The following SLMAP variants were observed in gnomAD, a reference collection of about 807,000 sequenced individuals.
SLMAP encodes the protein sarcolemmal membrane-associated protein.
Under a neutral mutation model 128.8 loss-of-function variants are expected in SLMAP, and 44 were observed. That is an observed-to-expected ratio of 0.34 (90% CI 0.27 to 0.44). SLMAP has a LOEUF of 0.44. Among genes scored for constraint, SLMAP ranks in the 20% least tolerant of loss-of-function variants. The probability of loss-of-function intolerance (pLI) is 1.00; values close to 1 mark genes in which losing one functional copy is unlikely to be tolerated. For missense variants in SLMAP, 787 were observed against 985.3 expected (o/e 0.80, Z 2.69); for synonymous variants, 327 against 348.8 (o/e 0.94, Z 0.70).
intron 6 of SLMAP, among the ~76,000 whole-genome samples, chr3:57,857,457 A>G (rs961028307): frequency 6.6e-6 from 1 of 152,260 alleles, no homozygotes; most frequent in South Asian, 2.1e-4. Flanking sequence ...TTACAACAGT[A>G]TACTGTTATG....
intron 2 of SLMAP, among the ~76,000 whole-genome samples, chr3:57,796,164 C>G (rs1224673137): frequency 6.6e-6 from 1 of 152,168 alleles, no homozygotes; most frequent in East Asian, 1.9e-4. Context: ...AAAACATCCA[C>G]CAATATAACT....
chr3:57,851,352 G>GTTTTT (rs11297177), intron 6 of SLMAP, among the ~76,000 whole-genome samples: 1 of 133,350 alleles, frequency 7.5e-6, no homozygotes, highest in African/African-American at 2.7e-5. Flanking sequence ...GTTTTGGGTT[G>GTTTTT]TTTTTTTTTT....
chr3:57,786,638 C>A (rs769438236), intron 2 of SLMAP, among the ~76,000 whole-genome samples: 14 of 150,324 alleles, frequency 9.3e-5, no homozygotes, highest in Non-Finnish European at 1.6e-4. Flanking sequence ...TTCACTACAA[C>A]CTCCGCCTCC....
At chr3:57,863,740 C>A (rs758917497) in intron 10 of SLMAP, among the ~76,000 whole-genome samples, 5 of 152,170 alleles carry the variant, frequency 3.3e-5, no homozygotes, top group Non-Finnish European at 7.4e-5. Flanking sequence ...AAACACCTCT[C>A]ATTAGACCCC....
chr3:57,847,984 G>A (rs2094330931), intron 5 of SLMAP, among the ~76,000 whole-genome samples: 1 of 152,078 alleles, frequency 6.6e-6, no homozygotes, highest in African/African-American at 2.4e-5. Context: ...AGTAAATAAT[G>A]GTCCTGCTAA....
Position 57,823,938 on chromosome 3 carries a change from T to A in SLMAP, c.199-7445T>A, listed in dbSNP as rs376469647. On this transcript the variant is annotated intron_variant, in intron 2 of 24. Coordinates refer to ENST00000671191, the MANE Select transcript of SLMAP (RefSeq NM_001377540.1). ...TAACTGGTGTGAGATGGTATCTCAT[T>A]GTGGTTTTGATTTGCATTTCTCTGA... Among the ~76,000 whole-genome samples the A allele has an allele frequency of 1.4e-4, 21 of 152,288 alleles. No homozygotes were observed. In the South Asian group the frequency reaches 3.3e-3, roughly 24 times the overall value.
At chr3:57,809,277 G>A (rs2090496788) in intron 2 of SLMAP, among the ~76,000 whole-genome samples, 1 of 152,208 alleles carries the variant, frequency 6.6e-6, no homozygotes, top group African/African-American at 2.4e-5. Flanking sequence ...TCGCAGGCTT[G>A]GAAGTGCCTG....
At position 57,818,514 on chromosome 3, in the gene SLMAP, G is replaced by A. The variant is rs535166430; in HGVS notation, c.199-12869G>A. Among the ~76,000 whole-genome samples, 6 of 152,292 alleles carry A rather than the reference G, an allele frequency of 3.9e-5. No homozygotes were observed. In the South Asian group the frequency reaches 1.0e-3, roughly 26 times the overall value. On this transcript the variant is annotated intron_variant, in intron 2 of 24. Transcript: ENST00000671191. ...AATATAACATCTGCCTCATGAGAGT[G>A]TTATATAGATTAAGTGAAAAAATGC...
At chr3:57,856,056 A>G (rs1323195906) in intron 6 of SLMAP, among the ~76,000 whole-genome samples, 1 of 151,832 alleles carries the variant, frequency 6.6e-6, no homozygotes, top group Admixed American at 6.6e-5. Context: ...AAAAGAAAAA[A>G]AAAAAAATTA....
intron 2 of SLMAP, among the ~76,000 whole-genome samples, chr3:57,771,172 CCCTCCCCTCT>C (rs1440539444): frequency 2.1e-5 from 3 of 142,174 alleles, no homozygotes; most frequent in Non-Finnish European, 3.0e-5. Flanking sequence ...CCCTCCCCTC[CCCTCCCCTCT>C]CCTCTCCTCC....
chr3:57,925,783 A>T lies in SLMAP; in HGVS notation c.2446-62A>T, dbSNP rs185261910. 101 of 1,214,522 alleles carry T rather than the reference A, an allele frequency of 8.3e-5. No individual in the cohort carries two copies. The Admixed American group carries it at 1.9e-3, about 23-fold the overall frequency. The allele number at this position is 1,214,522 out of a possible 1,614,324, so 75.2% of individuals were successfully genotyped here. ...CTACCTCCCACCCTACTGGGGTCTGAATCCTCTTATCTGATTACTTTCATA... is the reference window on the plus strand; with the variant it reads ...CTACCTCCCACCCTACTGGGGTCTGTATCCTCTTATCTGATTACTTTCATA... On this transcript the variant is annotated intron_variant, in intron 23 of 24. Coordinates refer to ENST00000671191, the MANE Select transcript of SLMAP (RefSeq NM_001377540.1).
At chr3:57,802,102 T>C (rs563991558) in intron 2 of SLMAP, among the ~76,000 whole-genome samples, 4 of 152,220 alleles carry the variant, frequency 2.6e-5, no homozygotes, top group Non-Finnish European at 4.4e-5. Context: ...TCACCTATTA[T>C]AAATGTAAGT....
At position 57,841,389 on chromosome 3, in the gene SLMAP, CTGTGAAGTTTT is replaced by C. The variant is rs748357817; in HGVS notation, c.419+29_419+39del. On this transcript the variant is annotated intron_variant, in intron 4 of 24. Transcript: ENST00000671191. ...CGCTCAGAGTGAGTATAATTTAGTACTGTGAAGTTTTTGTGAAGTTTAGTACTGTAAAGAAT... is the reference window on the plus strand; with the variant it reads ...CGCTCAGAGTGAGTATAATTTAGTACTGTGAAGTTTAGTACTGTAAAGAAT... 34 of 1,527,966 alleles carry C rather than the reference CTGTGAAGTTTT, an allele frequency of 2.2e-5. No homozygotes were observed. The highest frequency in any genetic ancestry group is 8.1e-6 in the Non-Finnish European group (9 of 1,114,630). 94.7% of individuals were successfully genotyped at this position (1,527,966 alleles called of 1,614,324 possible).
At chr3:57,894,639 GAC>G (rs2096190422) in intron 15 of SLMAP, among the ~76,000 whole-genome samples, 1 of 152,142 alleles carries the variant, frequency 6.6e-6, no homozygotes. Flanking sequence ...GGAAACAAAA[GAC>G]ACAAAGATAC....
At chr3:57,767,189 G>C (rs1332537060) in intron 2 of SLMAP, among the ~76,000 whole-genome samples, 1 of 152,146 alleles carries the variant, frequency 6.6e-6, no homozygotes, top group Non-Finnish European at 1.5e-5. Context: ...AAAGTGCTGG[G>C]ATTACAGGTG....
At chr3:57,765,495 A>C (rs1367101519) in intron 2 of SLMAP, among the ~76,000 whole-genome samples, 1 of 152,188 alleles carries the variant, frequency 6.6e-6, no homozygotes, top group Non-Finnish European at 1.5e-5. Context: ...TTCCAAGGAC[A>C]TTGTAAGGAA....
At chr3:57,835,451 G>T (rs2093594815) in intron 3 of SLMAP, among the ~76,000 whole-genome samples, 1 of 152,098 alleles carries the variant, frequency 6.6e-6, no homozygotes, top group African/African-American at 2.4e-5. Context: ...AAAAACAAAA[G>T]ATATTAACAA....
chr3:57,841,057 T>C (rs949933879), intron 3 of SLMAP, among the ~76,000 whole-genome samples: 1 of 152,218 alleles, frequency 6.6e-6, no homozygotes, highest in Non-Finnish European at 1.5e-5. Flanking sequence ...TTGACTATTA[T>C]TACAGAATTG....
Position 57,906,310 on chromosome 3 carries a change from C to CTTTTTTTTTTTTTTTTTTTTTTTTTTTT in SLMAP, c.1502-1552_1502-1551insTTTTTTTTTTTTTTTTTTTTTTTTTTTT. ...GAATCAAATTTTTTTCTTTTTTTTTCTTTTTTTTTTTTTTTTTTTTTTAGA... is the reference window on the plus strand; with the variant it reads ...GAATCAAATTTTTTTCTTTTTTTTTCTTTTTTTTTTTTTTTTTTTTTTTTTTTTTTTTTTTTTTTTTTTTTTTTTTAGA... On this transcript the variant is annotated intron_variant, in intron 17 of 24. Coordinates refer to ENST00000671191, the MANE Select transcript of SLMAP (RefSeq NM_001377540.1). Among the ~76,000 whole-genome samples the CTTTTTTTTTTTTTTTTTTTTTTTTTTTT allele has an allele frequency of 5.1e-3, 240 of 47,020 alleles. 51 individuals carry two copies. The highest frequency in any genetic ancestry group is 0.018 in the East Asian group (18 of 1,022). 30.8% of individuals were successfully genotyped at this position (47,020 alleles called of 152,430 possible).
Sources: allele counts gnomAD v4.1 joint callset (sites outside exome capture counted in the v4.1 genomes callset), GRCh38; gene constraint gnomAD v4.1.1; transcripts MANE v1.5; gene names NCBI Gene and HGNC (gene_info 2026-07-23, HGNC 2026-07-21).